The following RBFOX1 variants were observed in gnomAD, a reference collection of about 807,000 sequenced individuals.
The protein encoded by RBFOX1 is RNA binding fox-1 homolog 1.
RBFOX1 carries 8 observed loss-of-function variants against 57.7 expected under a neutral mutation model. That is an observed-to-expected ratio of 0.14 (90% CI 0.08 to 0.25). RBFOX1 has a LOEUF of 0.25. Among genes scored for constraint, RBFOX1 ranks in the 10% least tolerant of loss-of-function variants. The probability of loss-of-function intolerance (pLI) is 1.00; values close to 1 mark genes in which losing one functional copy is unlikely to be tolerated. For synonymous variants in RBFOX1, 326 were observed against 222.4 expected (o/e 1.47, Z -4.15); for missense variants, 611 against 548.5 (o/e 1.11, Z -1.14).
chr16:7,186,065 T>G (rs1214624252), intron 4 of RBFOX1, among the ~76,000 whole-genome samples: 3 of 152,112 alleles, frequency 2.0e-5, no homozygotes, highest in African/African-American at 7.2e-5. Flanking sequence ...TGAATGCTAC[T>G]ATTTTGAAGG....
intron 3 of RBFOX1, among the ~76,000 whole-genome samples, chr16:6,937,568 A>G (rs1292212867): frequency 6.6e-6 from 1 of 152,154 alleles, no homozygotes; most frequent in African/African-American, 2.4e-5. Context: ...CTAGTTTCAC[A>G]CATTTTAGGG....
In RBFOX1 at chr16:5,394,899, C is replaced by G. The variant is rs148550625; in HGVS notation, c.220-72317C>G. 2.3e-3 allele frequency among the ~76,000 whole-genome samples: 350 copies of G among 152,168 alleles called. 2 individuals carry two copies. Among genetic ancestry groups the G allele is most frequent in the East Asian group, 0.023 (118 of 5,180 alleles). On this transcript the variant is annotated intron_variant, in intron 1 of 2. Transcript: ENST00000585867. ...ATCTGCACTTCATCTCTTGCTAGGA[C>G]TGAAGTGGTAACATCCTCACTGGCC...
intron 4 of RBFOX1, among the ~76,000 whole-genome samples, chr16:5,936,179 C>T (rs112469193): frequency 0.019 from 2,874 of 152,196 alleles, 51 homozygotes; most frequent in Admixed American, 0.037. Context: ...GCTGGAGTGC[C>T]GTGGCGTGAT....
chr16:5,372,421 C>T (rs2065880295), intron 1 of RBFOX1, among the ~76,000 whole-genome samples: 1 of 152,022 alleles, frequency 6.6e-6, no homozygotes, highest in Non-Finnish European at 1.5e-5. Flanking sequence ...GACCCAGTCT[C>T]AAACATGTAC....
At chr16:6,126,941 A>G (rs1050053064) in intron 1 of RBFOX1, among the ~76,000 whole-genome samples, 34 of 152,294 alleles carry the variant, frequency 2.2e-4, no homozygotes, top group East Asian at 5.8e-4. Flanking sequence ...TAGGAAAAAA[A>G]TCAATGTGGT....
intron 1 of RBFOX1, among the ~76,000 whole-genome samples, chr16:5,398,909 C>G (rs528095425): frequency 5.5e-4 from 84 of 152,176 alleles, no homozygotes; most frequent in Non-Finnish European, 1.0e-3. Flanking sequence ...ATTACAGCAG[C>G]GGAGGCTGTG....
chr16:5,883,952 A>G (rs2057831515), intron 4 of RBFOX1, among the ~76,000 whole-genome samples: 2 of 152,210 alleles, frequency 1.3e-5, no homozygotes, highest in East Asian at 3.9e-4. Context: ...AGATGGGTAA[A>G]AGCCATTGAG....
intron 1 of RBFOX1, among the ~76,000 whole-genome samples, chr16:6,185,765 T>A (rs935294857): frequency 2.0e-5 from 3 of 152,328 alleles, no homozygotes; most frequent in South Asian, 2.1e-4. Context: ...TATAATTTCA[T>A]GTAAATCATT....
chr16:5,377,834 G>A (rs2066026282), intron 1 of RBFOX1, among the ~76,000 whole-genome samples: 1 of 151,564 alleles, frequency 6.6e-6, no homozygotes, highest in East Asian at 1.9e-4. Flanking sequence ...AACATTGTGA[G>A]AACATTTTCA....
intron 3 of RBFOX1, among the ~76,000 whole-genome samples, chr16:7,048,279 C>T (rs577624564): frequency 4.0e-4 from 61 of 150,778 alleles, no homozygotes; most frequent in Admixed American, 5.9e-4. Context: ...TGTTTGTTTT[C>T]GATGGAGTCT....
intron 3 of RBFOX1, among the ~76,000 whole-genome samples, chr16:5,654,499 G>C (rs980680448): frequency 6.6e-6 from 1 of 152,042 alleles, no homozygotes; most frequent in Non-Finnish European, 1.5e-5. Flanking sequence ...CTTCTTTGTG[G>C]TGTTTTCTTC....
At chr16:6,421,410 G>A (rs1467908762) in intron 2 of RBFOX1, among the ~76,000 whole-genome samples, 2 of 152,166 alleles carry the variant, frequency 1.3e-5, no homozygotes, top group African/African-American at 2.4e-5. Flanking sequence ...AGGACCACGC[G>A]ATTTTATTCA....
chr16:7,115,599 A>G lies in RBFOX1; in HGVS notation c.27+63501A>G, dbSNP rs2065729888. On this transcript the variant is annotated intron_variant, in intron 4 of 15. Transcript: ENST00000550418. ...CAGGCTGGAAGTTTGCTGCCCACAG[A>G]TTTACCTCTGGAAAGGTGTCTTGGG... Among the ~76,000 whole-genome samples, 5 of 152,166 alleles carry G rather than the reference A, an allele frequency of 3.3e-5. No homozygotes were observed. The South Asian group carries it at 1.0e-3, about 32-fold the overall frequency.
chr16:6,883,476 C>G (rs1394662179), intron 3 of RBFOX1, among the ~76,000 whole-genome samples: 1 of 152,198 alleles, frequency 6.6e-6, no homozygotes, highest in African/African-American at 2.4e-5. Flanking sequence ...GCCGCTTTCT[C>G]TTAGACACCC....
At chr16:6,906,582 A>G (rs1280004147) in intron 3 of RBFOX1, among the ~76,000 whole-genome samples, 5 of 152,172 alleles carry the variant, frequency 3.3e-5, no homozygotes, top group African/African-American at 4.8e-5. Flanking sequence ...CAAGGGGTAC[A>G]TCAGTAGTGT....
intron 1 of RBFOX1, among the ~76,000 whole-genome samples, chr16:6,186,545 T>A (rs1175195968): frequency 6.6e-6 from 1 of 151,800 alleles, no homozygotes; most frequent in Non-Finnish European, 1.5e-5. Flanking sequence ...GAGTGTGAGG[T>A]CAGGGAAAAG....
chr16:6,743,769 G>A (rs892395706), intron 3 of RBFOX1, among the ~76,000 whole-genome samples: 1 of 149,028 alleles, frequency 6.7e-6, no homozygotes, highest in African/African-American at 2.5e-5. Flanking sequence ...AAGGAAAGAA[G>A]GAAGAAAAAT....
intron 4 of RBFOX1, among the ~76,000 whole-genome samples, chr16:7,112,008 T>G (rs2064877375): frequency 6.6e-6 from 1 of 152,130 alleles, no homozygotes. Context: ...CCTATACAGA[T>G]TGTACTTTTC....
chr16:5,622,568 C>T (rs2048230611), intron 3 of RBFOX1, among the ~76,000 whole-genome samples: 1 of 152,168 alleles, frequency 6.6e-6, no homozygotes, highest in Non-Finnish European at 1.5e-5. Flanking sequence ...TTTAAAAAAT[C>T]CATTTATTTG....
Sources: allele counts gnomAD v4.1 joint callset (sites outside exome capture counted in the v4.1 genomes callset), GRCh38; gene constraint gnomAD v4.1.1; transcripts MANE v1.5; gene names NCBI Gene and HGNC (gene_info 2026-07-23, HGNC 2026-07-21).